BTBD10: variants seen among roughly 807,000 people sequenced by gnomAD.
The protein encoded by BTBD10 is BTB domain containing 10, also known as BTB/POZ domain-containing protein 10.
A neutral mutation model predicts 53.2 loss-of-function variants in BTBD10; 21 were observed. That is an observed-to-expected ratio of 0.39 (90% confidence interval 0.28 to 0.57). BTBD10 has a LOEUF of 0.57. Among genes scored for constraint, BTBD10 ranks in the 20% least tolerant of loss-of-function variants. The probability of loss-of-function intolerance (pLI) is 0.53; values close to 1 mark genes in which losing one functional copy is unlikely to be tolerated. For synonymous variants in BTBD10, 149 were observed against 192.7 expected, an observed-to-expected ratio of 0.77 and a Z score of 1.88; for missense variants, 360 against 594.7, an observed-to-expected ratio of 0.61 and a Z score of 4.10.
At chr11:13,400,131 C>T (rs1166572976) in intron 8 of BTBD10, among the ~76,000 whole-genome samples, 6 of 152,228 alleles carry the variant, frequency 3.9e-5, no homozygotes. Context: ...TTTGTCTGTG[C>T]CCTGCCCCCA....
At chr11:13,458,265 G>C (rs909569175) in intron 1 of BTBD10, among the ~76,000 whole-genome samples, 1 of 151,210 alleles carries the variant, frequency 6.6e-6, no homozygotes, top group African/African-American at 2.4e-5. Flanking sequence ...TTAATATGTT[G>C]AGTTCAAGTA....
chr11:13,462,947 C>T (rs563774927), intron 1 of BTBD10, 145 bp downstream of exon 1: 3 of 152,736 alleles, frequency 2.0e-5, no homozygotes, highest in Non-Finnish European at 4.4e-5. Context: ...CCACGGTACC[C>T]GAGCAGGGTC....
chr11:13,400,146 G>T (rs12708336), intron 8 of BTBD10, among the ~76,000 whole-genome samples: 117,758 of 152,196 alleles, frequency 0.77, 46,321 homozygotes, highest in Middle Eastern at 0.88. Context: ...CCCCCAAAGG[G>T]GGAGCCTACA....
chr11:13,430,970 T>TACACACACACAC (rs1387664736), intron 2 of BTBD10, among the ~76,000 whole-genome samples: 2 of 14,682 alleles, frequency 1.4e-4, no homozygotes, highest in Non-Finnish European at 3.4e-4. Flanking sequence ...TTTATGGAGA[T>TACACACACACAC]ACATACACAC....
intron 6 of BTBD10, among the ~76,000 whole-genome samples, chr11:13,412,088 C>T (rs1029747908): frequency 1.3e-5 from 2 of 152,132 alleles, no homozygotes; most frequent in African/African-American, 4.8e-5. Flanking sequence ...GCCTCTGCCT[C>T]CCAAAGTGCT....
At chr11:13,397,740 T>G (rs1464202560) in intron 8 of BTBD10, among the ~76,000 whole-genome samples, 1 of 152,228 alleles carries the variant, frequency 6.6e-6, no homozygotes, top group African/African-American at 2.4e-5. Flanking sequence ...TGGTATGTTG[T>G]GTCTTTTTTC....
Position 13,389,077 on chromosome 11 carries a change from G to A in BTBD10, c.1182C>T (p.Asn394=). The A allele has an allele frequency of 6.2e-7, 1 of 1,614,108 alleles. No individual in the cohort carries two copies. Among genetic ancestry groups the A allele is most frequent in the Non-Finnish European group, 8.5e-7 (1 of 1,180,046 alleles). The change falls in exon 9 of 9, where the codon AAC becomes AAT. Residue 394 remains asparagine, a synonymous_variant. Coordinates refer to ENST00000278174, the MANE Select transcript of BTBD10 (RefSeq NM_032320.7). ...RPGGRPEVIY[N]YVQRPFIRMS... ...TTCGAATAAAGGGTCTTTGGACATAGTTGTAGATCACTTCTGGGCGGCCTC... is the reference window on the plus strand; with the variant it reads ...TTCGAATAAAGGGTCTTTGGACATAATTGTAGATCACTTCTGGGCGGCCTC...
chr11:13,426,463 GAATAT>G (rs909947341), intron 2 of BTBD10, among the ~76,000 whole-genome samples: 1 of 151,944 alleles, frequency 6.6e-6, no homozygotes, highest in Non-Finnish European at 1.5e-5. Context: ...CTGCATGGAA[GAATAT>G]AATTTTTTTC....
intron 8 of BTBD10, among the ~76,000 whole-genome samples, chr11:13,392,725 G>C (rs920190530): frequency 6.6e-6 from 1 of 152,094 alleles, no homozygotes; most frequent in African/African-American, 2.4e-5. Context: ...AGGATGCAGA[G>C]GGTAGAATAA....
intron 6 of BTBD10, among the ~76,000 whole-genome samples, chr11:13,412,895 AAACAATGGGAGTAGGGGTGCTGAAGAAGT>A (rs1384461515): frequency 2.0e-5 from 3 of 152,106 alleles, no homozygotes; most frequent in Non-Finnish European, 4.4e-5. Context: ...GGGTTGGGAG[AAACAATGGGAGTAGGGGTGCTGAAGAAGT>A]AACAATGGGA....
intron 8 of BTBD10, among the ~76,000 whole-genome samples, chr11:13,397,999 T>C (rs1282949545): frequency 1.3e-5 from 2 of 152,254 alleles, no homozygotes; most frequent in African/African-American, 4.8e-5. Flanking sequence ...GGTGTGGTGC[T>C]GAAAAGAATG....
intron 1 of BTBD10, among the ~76,000 whole-genome samples, chr11:13,452,715 C>G (rs190553711): frequency 2.4e-4 from 37 of 152,220 alleles, no homozygotes; most frequent in Admixed American, 9.8e-4. Flanking sequence ...CAGAAAAAAA[C>G]CTGTATAACT....
rs143092489 is a variant in BTBD10, at chr11:13,392,489, G to C, written c.1118-3348C>G. 5.8e-4 allele frequency among the ~76,000 whole-genome samples: 89 copies of C among 152,244 alleles called. 1 individual carries two copies. The highest frequency in any genetic ancestry group is 2.1e-3 in the African/African-American group (86 of 41,554). On this transcript the variant is annotated intron_variant, in intron 8 of 8. Coordinates refer to ENST00000278174, the MANE Select transcript of BTBD10 (RefSeq NM_032320.7). ...TTAGAAGACAGATTATGGTCAAATG[G>C]AGGACAGCCATGAGTAAATTCTACT... is the stretch of plus-strand genomic sequence containing the variant.
intron 2 of BTBD10, among the ~76,000 whole-genome samples, chr11:13,423,932 G>A (rs1950289229): frequency 6.6e-6 from 1 of 151,472 alleles, no homozygotes; most frequent in Non-Finnish European, 1.5e-5. Context: ...TCATTCTAGT[G>A]AAAAAAAATT....
At chr11:13,403,031 C>G in intron 8 of BTBD10, 137 bp downstream of exon 8, 1 of 543,056 alleles carries the variant, frequency 1.8e-6, no homozygotes, top group Non-Finnish European at 3.2e-6. Context: ...ATTTATAGGT[C>G]TACTGCATAA....
chr11:13,399,814 C>G (rs1949663856), intron 8 of BTBD10, among the ~76,000 whole-genome samples: 1 of 152,198 alleles, frequency 6.6e-6, no homozygotes, highest in South Asian at 2.1e-4. Flanking sequence ...GAGGTCCACT[C>G]CAGACCCTGT....
intron 2 of BTBD10, among the ~76,000 whole-genome samples, chr11:13,422,768 G>A (rs1950268456): frequency 6.6e-6 from 1 of 152,146 alleles, no homozygotes. Flanking sequence ...TTCTCCACCA[G>A]AAGTGAATAA....
At chr11:13,461,619 G>C (rs1951099287) in intron 1 of BTBD10, among the ~76,000 whole-genome samples, 1 of 152,198 alleles carries the variant, frequency 6.6e-6, no homozygotes, top group Non-Finnish European at 1.5e-5. Context: ...ACATGGCTTA[G>C]AGGGAGTGAG....
intron 8 of BTBD10, among the ~76,000 whole-genome samples, chr11:13,396,649 C>G (rs575760450): frequency 6.6e-6 from 1 of 152,168 alleles, no homozygotes; most frequent in Non-Finnish European, 1.5e-5. Flanking sequence ...CCAGTTTTTG[C>G]CCATTCAGTA....
Sources: allele counts gnomAD v4.1 joint callset (sites outside exome capture counted in the v4.1 genomes callset), GRCh38; gene constraint gnomAD v4.1.1; transcripts MANE v1.5; gene names NCBI Gene and HGNC (gene_info 2026-07-23, HGNC 2026-07-21).